TXNRD1: variants seen among roughly 807,000 people sequenced by gnomAD.
TXNRD1 encodes thioredoxin reductase 1, also known as thioredoxin reductase 1, cytoplasmic.
In TXNRD1, 57 loss-of-function variants were observed where a neutral mutation model predicts 80.3. The ratio of observed to expected loss-of-function variants is 0.71; its 90% CI spans 0.57 to 0.89. The LOEUF (loss-of-function observed/expected upper bound fraction) is 0.89. Ranked by LOEUF, TXNRD1 falls within the 40% of genes least tolerant of loss-of-function variation. The pLI is 0.00. For missense variants in TXNRD1, 730 were observed against 803.0 expected (o/e 0.91, Z 1.10); for synonymous variants, 291 against 285.2 (o/e 1.02, Z -0.20).
chr12:104,333,271 T>C (rs2036022041), intron 14 of TXNRD1, among the ~76,000 whole-genome samples: 1 of 152,006 alleles, frequency 6.6e-6, no homozygotes. Context: ...TAATTAAAAT[T>C]TGAAATTTTT....
intron 3 of TXNRD1, among the ~76,000 whole-genome samples, chr12:104,285,819 T>C (rs1018069918): frequency 6.6e-6 from 1 of 152,184 alleles, no homozygotes; most frequent in African/African-American, 2.4e-5. Flanking sequence ...TGTTTTTCCT[T>C]CTTTCCTCCT....
intron 1 of TXNRD1, among the ~76,000 whole-genome samples, chr12:104,234,612 T>A (rs1223696719): frequency 7.9e-6 from 1 of 126,082 alleles, no homozygotes; most frequent in Non-Finnish European, 1.7e-5. Context: ...ACTAATTTTT[T>A]AAAAAATAAA....
intron 1 of TXNRD1, among the ~76,000 whole-genome samples, chr12:104,222,031 T>C (rs912871473): frequency 1.1e-4 from 16 of 152,286 alleles, no homozygotes; most frequent in African/African-American, 3.1e-4. Context: ...GAGTGTAGTG[T>C]GGCCAGACCT....
intron 1 of TXNRD1, among the ~76,000 whole-genome samples, chr12:104,231,092 C>A (rs2032612345): frequency 6.6e-6 from 1 of 152,138 alleles, no homozygotes; most frequent in South Asian, 2.1e-4. Context: ...CCGGTCTTCC[C>A]TGCTAGACAA....
At chr12:104,302,486 CTTTT>C (rs772202256) in intron 4 of TXNRD1, among the ~76,000 whole-genome samples, 28 of 76,232 alleles carry the variant, frequency 3.7e-4, no homozygotes, top group African/African-American at 1.2e-3. Flanking sequence ...TATTCATTCC[CTTTT>C]TTTTTTTTTT....
chr12:104,291,388 A>T (rs1172760502), intron 4 of TXNRD1, among the ~76,000 whole-genome samples: 1 of 145,188 alleles, frequency 6.9e-6, no homozygotes. Context: ...TTTAGTAGAG[A>T]TGGGGTTTCA....
At chr12:104,323,012 A>T (rs1389068443) in intron 10 of TXNRD1, among the ~76,000 whole-genome samples, 6 of 128,778 alleles carry the variant, frequency 4.7e-5, no homozygotes, top group Non-Finnish European at 9.8e-5. Context: ...ACTCTTAACG[A>T]GCATGCTGCC....
rs775026734 is a variant in TXNRD1 at position 104,304,281 on chromosome 12, A to G, written c.415-7009A>G. 50 of 1,613,932 alleles carry G rather than the reference A, an allele frequency of 3.1e-5. No homozygotes were observed. The Admixed American group carries it at 8.2e-4, about 26-fold the overall frequency. ...AACTCAGATATGAACTTCTTTAATC[A>G]GTTAGCATTTTGTGACTTTCTGTTT... On this transcript the variant is annotated intron_variant, in intron 4 of 16. Coordinates refer to ENST00000525566, the MANE Select transcript of TXNRD1 (RefSeq NM_001093771.3).
At chr12:104,326,460 ATTTTTTT>A in intron 12 of TXNRD1, 37 bp downstream of exon 12, 12 of 539,364 alleles carry the variant, frequency 2.2e-5, no homozygotes, top group Admixed American at 5.6e-5. Flanking sequence ...TATTTGTGGG[ATTTTTTT>A]TTTTTTTTTT....
intron 4 of TXNRD1, among the ~76,000 whole-genome samples, chr12:104,299,660 G>A (rs1036887873): frequency 1.3e-5 from 2 of 151,684 alleles, no homozygotes; most frequent in Admixed American, 6.6e-5. Context: ...CCAGCTACTC[G>A]GGAGGCTGAG....
intron 2 of TXNRD1, among the ~76,000 whole-genome samples, chr12:104,257,403 C>CTTTT (rs57917719): frequency 5.2e-5 from 4 of 76,976 alleles, no homozygotes; most frequent in African/African-American, 9.8e-5. Context: ...TGTTCCAATG[C>CTTTT]TTTTTTTTTT....
chr12:104,226,061 C>T (rs1414633775), intron 1 of TXNRD1, among the ~76,000 whole-genome samples: 3 of 151,792 alleles, frequency 2.0e-5, no homozygotes, highest in Non-Finnish European at 4.4e-5. Flanking sequence ...ATTAGCTGGG[C>T]GTGTGGTGGG....
At chr12:104,344,276 G>A (rs980543251) in intron 16 of TXNRD1, among the ~76,000 whole-genome samples, 1 of 152,038 alleles carries the variant, frequency 6.6e-6, no homozygotes, top group Non-Finnish European at 1.5e-5. Flanking sequence ...GGGAGACGAT[G>A]TGGCTGGACT....
At position 104,233,460 on chromosome 12, in the gene TXNRD1, A is replaced by G. The variant is rs529653036; in HGVS notation, c.91+17567A>G. ...TAAGAGTACTCACAGAGAGTTTCCA[A>G]ATTCTAGAGGAACCAGACAGAGAAA... On this transcript the variant is annotated intron_variant, in intron 1 of 16. Transcript: ENST00000525566. Among the ~76,000 whole-genome samples the G allele has an allele frequency of 1.4e-4, 21 of 152,204 alleles. 1 individual carries two copies. The Middle Eastern group carries it at 0.01, about 74-fold the overall frequency.
At chr12:104,309,671 A>T (rs2035055234) in intron 4 of TXNRD1, 2 of 922,148 alleles carry the variant, frequency 2.2e-6, no homozygotes, top group African/African-American at 3.3e-5. Flanking sequence ...GCTCTTTGAG[A>T]CCCAGTAGGG....
chr12:104,232,554 C>A (rs1368030563), intron 1 of TXNRD1, among the ~76,000 whole-genome samples: 3 of 151,656 alleles, frequency 2.0e-5, no homozygotes, highest in Non-Finnish European at 4.4e-5. Context: ...GAGCGAGACA[C>A]CACCTGAAAA....
rs1483224186 is a variant in TXNRD1 at position 104,220,068 on chromosome 12, G to A, written c.91+4175G>A. ...GAGAACACTGCAGTGAGGTGTTTAG[G>A]CCAGCGTCAAATCACCTATTTCTGG... On this transcript the variant is annotated intron_variant, in intron 1 of 16. Coordinates refer to ENST00000525566, the MANE Select transcript of TXNRD1 (RefSeq NM_001093771.3). Among the ~76,000 whole-genome samples the A allele has an allele frequency of 2.0e-5, 3 of 152,110 alleles. No homozygotes were observed. In the East Asian group the frequency reaches 5.8e-4, roughly 29 times the overall value.
chr12:104,218,905 G>A (rs185622708), intron 1 of TXNRD1, among the ~76,000 whole-genome samples: 1 of 152,198 alleles, frequency 6.6e-6, no homozygotes, highest in East Asian at 1.9e-4. Context: ...ACTGTACCCA[G>A]CCTAGATATT....
chr12:104,294,984 T>C (rs2034389425), intron 4 of TXNRD1, among the ~76,000 whole-genome samples: 1 of 152,248 alleles, frequency 6.6e-6, no homozygotes, highest in South Asian at 2.1e-4. Flanking sequence ...ATTAGTAATG[T>C]ATCTGCTTTT....
Sources: allele counts gnomAD v4.1 joint callset (sites outside exome capture counted in the v4.1 genomes callset), GRCh38; gene constraint gnomAD v4.1.1; transcripts MANE v1.5; gene names NCBI Gene and HGNC (gene_info 2026-07-23, HGNC 2026-07-21).